DNAH5: variants seen among roughly 807,000 people sequenced by gnomAD.
The protein encoded by DNAH5 is axonemal beta dynein heavy chain 5.
A neutral mutation model predicts 518.2 loss-of-function variants in DNAH5; 372 were observed. That is an observed-to-expected ratio of 0.72 (90% CI 0.66 to 0.78). The LOEUF (loss-of-function observed/expected upper bound fraction) is 0.78, where lower values mean the gene tolerates loss of function less well. Ranked by LOEUF, DNAH5 falls within the 30% of genes least tolerant of loss-of-function variation. The probability of loss-of-function intolerance (pLI) is 0.00; values close to 1 mark genes in which losing one functional copy is unlikely to be tolerated. For missense variants in DNAH5, 5,523 were observed against 5,687.0 expected, an observed-to-expected ratio of 0.97 and a Z score of 0.93; for synonymous variants, 2,039 against 2,025.9, an observed-to-expected ratio of 1.01 and a Z score of -0.17.
rs143396504 is a variant in DNAH5 at position 13,739,446 on chromosome 5, T to C, written c.11212-1951A>G. ...CTTTGCCTTCCGCCATGATTGTAAG[T>C]TTCCTGAGGCCTCCCCAGCCATGCA... On this transcript the variant is annotated intron_variant, in intron 65 of 78. Transcript: ENST00000265104. 5.3e-3 allele frequency among the ~76,000 whole-genome samples: 814 copies of C among 152,234 alleles called. 8 individuals carry two copies. Among genetic ancestry groups the C allele is most frequent in the African/African-American group, 0.018 (745 of 41,554 alleles).
intron 66 of DNAH5, 129 bp downstream of exon 66, chr5:13,737,123 A>T (rs774361667): frequency 2.0e-4 from 300 of 1,467,506 alleles, no homozygotes; most frequent in Non-Finnish European, 2.6e-4. Context: ...TTCCCAACAG[A>T]AATTCCACAA....
Position 13,911,633 on chromosome 5 carries a change from A to AT in DNAH5, c.1537-141dup, listed in dbSNP as rs368722823. On this transcript the variant is annotated intron_variant, in intron 11 of 78. Transcript: ENST00000265104. ...AAGGAAGCCTTATTTTTTTACTCAC[A>AT]TTGTTTTGTGCTTATTATTTTACAG... is the stretch of plus-strand genomic sequence containing the variant. 5,836 of 710,342 alleles carry AT rather than the reference A, an allele frequency of 8.2e-3. 71 individuals are homozygous for AT. The highest frequency in any genetic ancestry group is 0.036 in the South Asian group (1,977 of 54,360). The allele number at this position is 710,342 out of a possible 1,614,324, so 44.0% of individuals were successfully genotyped here. A position where few individuals can be genotyped will look rare whatever the true frequency, so the allele number is the denominator to read the frequency against.
chr5:13,970,660 A>C (rs1438390511), intron 1 of DNAH5, among the ~76,000 whole-genome samples: 1 of 152,128 alleles, frequency 6.6e-6, no homozygotes. Flanking sequence ...ATCTGCTGCT[A>C]CTCTGATAGG....
At chr5:13,769,244 GTTGTTTT>G in intron 57 of DNAH5, 108 bp from the exon 58 acceptor site, 2 of 879,242 alleles carry the variant, frequency 2.3e-6, no homozygotes, top group Non-Finnish European at 3.3e-6. Flanking sequence ...ACCCAGTTTT[GTTGTTTT>G]TTTTTTTTTT....
chr5:13,729,445 A>C lies in DNAH5; in HGVS notation c.11877T>G (p.Leu3959=), dbSNP rs756257947. 1.2e-6 allele frequency: 2 copies of C among 1,614,028 alleles called. No homozygotes were observed. Among genetic ancestry groups the C allele is most frequent in the South Asian group, 2.2e-5 (2 of 91,072 alleles). Residue 3959 remains leucine, a synonymous_variant, in exon 69 of 79, where the codon CTT becomes CTG. Transcript: ENST00000265104. The part of the protein sequence containing the change: ...LSKLRQFSDV[L]DQISRNEKMW... Reference sequence around the variant, plus strand: ...TGATTCAAAGCACAGTTACCTGGTCAAGGACATCTGAAAACTGTCTGAGTT... The same window carrying C: ...TGATTCAAAGCACAGTTACCTGGTCCAGGACATCTGAAAACTGTCTGAGTT...
At chr5:13,985,684 C>A (rs1783005282) in intron 1 of DNAH5, among the ~76,000 whole-genome samples, 1 of 152,088 alleles carries the variant, frequency 6.6e-6, no homozygotes, top group African/African-American at 2.4e-5. Flanking sequence ...CTGACCAGCA[C>A]CTGAACACTG....
At chr5:13,803,195 C>T (rs910413570) in intron 47 of DNAH5, among the ~76,000 whole-genome samples, 2 of 152,110 alleles carry the variant, frequency 1.3e-5, no homozygotes, top group Admixed American at 1.3e-4. Context: ...TTTAGGTTTT[C>T]ATATGTGTGC....
rs140857091 is a variant in DNAH5 at position 13,983,798 on chromosome 5, T to G, written c.12+27850A>C. On this transcript the variant is annotated intron_variant, in intron 1 of 78. Coordinates refer to the DNAH5 transcript ENST00000681290. ...TCTACAAGGCAATCAGCGAAGGTTT[T>G]GTGGAAGCTAAAACGCCAGAACCAC... 2.7e-3 allele frequency among the ~76,000 whole-genome samples: 413 copies of G among 152,316 alleles called. 4 individuals carry two copies. Among genetic ancestry groups the G allele is most frequent in the African/African-American group, 9.5e-3 (396 of 41,570 alleles).
In DNAH5 at chr5:13,855,248, G is replaced by A. The variant is rs1314286543; in HGVS notation, c.4950+4204C>T. Reference sequence around the variant, plus strand: ...TTTTGAGACGGAGTCTCGCTCTGTCGCCCAGGCTGGAGTGCAGTGGCGGGA... The same window carrying A: ...TTTTGAGACGGAGTCTCGCTCTGTCACCCAGGCTGGAGTGCAGTGGCGGGA... On this transcript the variant is annotated intron_variant, in intron 30 of 78. Coordinates refer to ENST00000265104, the MANE Select transcript of DNAH5 (RefSeq NM_001369.3). Among the ~76,000 whole-genome samples the A allele has an allele frequency of 2.0e-3, 75 of 37,666 alleles. 11 individuals carry two copies. Among genetic ancestry groups the A allele is most frequent in the African/African-American group, 6.3e-3 (70 of 11,178 alleles). The allele number at this position is 37,666 out of a possible 152,430, so 24.7% of individuals were successfully genotyped here.
At chr5:13,706,960 C>A (rs1156786875) in intron 76 of DNAH5, among the ~76,000 whole-genome samples, 1 of 152,216 alleles carries the variant, frequency 6.6e-6, no homozygotes, top group African/African-American at 2.4e-5. Flanking sequence ...TAAGTGAGAA[C>A]AGGCACTCTT....
At chr5:14,011,039 G>C (rs763727764) in intron 1 of DNAH5, among the ~76,000 whole-genome samples, 3 of 151,708 alleles carry the variant, frequency 2.0e-5, no homozygotes, top group Non-Finnish European at 2.9e-5. Context: ...AATGAAAGTT[G>C]ATGTAAATGT....
At chr5:13,890,572 A>C (rs1773086114) in intron 17 of DNAH5, among the ~76,000 whole-genome samples, 1 of 152,174 alleles carries the variant, frequency 6.6e-6, no homozygotes, top group South Asian at 2.1e-4. Flanking sequence ...GCTATAGAAC[A>C]CCAGTTTGGG....
intron 2 of DNAH5, 122 bp downstream of exon 2, chr5:13,930,988 C>T: frequency 6.9e-7 from 1 of 1,443,466 alleles, no homozygotes; most frequent in Non-Finnish European, 9.7e-7. Flanking sequence ...AGAATGGAGC[C>T]CTGTCCACGT....
At chr5:13,902,377 C>A (rs1774749069) in intron 12 of DNAH5, among the ~76,000 whole-genome samples, 1 of 152,180 alleles carries the variant, frequency 6.6e-6, no homozygotes, top group African/African-American at 2.4e-5. Context: ...CTGGGCCAGA[C>A]ACAGAGCCTG....
chr5:13,697,235 A>T (rs1276552532), intron 78 of DNAH5, among the ~76,000 whole-genome samples: 1 of 152,268 alleles, frequency 6.6e-6, no homozygotes, highest in Admixed American at 6.5e-5. Flanking sequence ...TCTATAAAAT[A>T]ATTACTGTCC....
intron 1 of DNAH5, among the ~76,000 whole-genome samples, chr5:13,960,111 C>CAA (rs78100175): frequency 0.044 from 6,099 of 139,766 alleles, 269 homozygotes; most frequent in African/African-American, 0.12. Context: ...CTTTTATCTT[C>CAA]AAAAAAAAAA....
rs916403814 is a variant in DNAH5 at position 13,700,823 on chromosome 5, A to G, written c.13540T>C (p.Cys4514Arg). The G allele has an allele frequency of 6.8e-6, 11 of 1,614,044 alleles. No homozygotes were observed. Among genetic ancestry groups the G allele is most frequent in the African/African-American group, 1.3e-5 (1 of 74,916 alleles). Residue 4514 changes from cysteine to arginine, a missense_variant, in exon 78 of 79, where the codon TGC becomes CGC. By Grantham distance (180) the Cys-to-Arg change is radical (BLOSUM62 -3). Coordinates refer to ENST00000265104, the MANE Select transcript of DNAH5 (RefSeq NM_001369.3). ...TTCATCCATTTGGTGACTTCATTGC[A>G]AAGCACCATATTGTCCAGAGCCCAG... is the stretch of plus-strand genomic sequence containing the variant. ...KGWALDNMVL[C>R]NEVTKWMKDD... is the part of the protein sequence containing the mutation.
chr5:13,893,770 G>A (rs948634721), intron 16 of DNAH5, among the ~76,000 whole-genome samples: 12 of 152,126 alleles, frequency 7.9e-5, no homozygotes, highest in South Asian at 2.1e-4. Context: ...AGGAGGAAGC[G>A]GTCACAGGAG....
rs776014245 is a variant in DNAH5 at position 13,770,790 on chromosome 5, T to A, written c.9564A>T (p.Ile3188=). Residue 3188 remains isoleucine, a synonymous_variant, in exon 56 of 79, where the codon ATA becomes ATT. Transcript: ENST00000265104. ...YLSFIQGYKF[I]YGEKHVEVRT... is the part of the protein sequence containing the mutation. ...GCACCTCCACATGCTTTTCTCCATA[T>A]ATGAACTTATAGCCCTGAATAAAGG... 7.4e-6 allele frequency: 12 copies of A among 1,613,940 alleles called. No individual in the cohort carries two copies. In the South Asian group the frequency reaches 1.2e-4, roughly 16 times the overall value.
Sources: allele counts gnomAD v4.1 joint callset (sites outside exome capture counted in the v4.1 genomes callset), GRCh38; gene constraint gnomAD v4.1.1; transcripts MANE v1.5; gene names NCBI Gene and HGNC (gene_info 2026-07-23, HGNC 2026-07-21).